The following ZNF804B variants were observed in gnomAD, a reference collection of about 807,000 sequenced individuals.
The protein encoded by ZNF804B is zinc finger 804B.
ZNF804B carries 80 observed loss-of-function variants against 101.4 expected under a neutral mutation model. The observed-to-expected ratio is 0.79, with a 90% confidence interval of 0.66 to 0.95. The LOEUF is 0.95. Among genes scored for constraint, ZNF804B ranks in the 40% least tolerant of loss-of-function variants. The probability of loss-of-function intolerance (pLI) is 0.00; values close to 1 mark genes in which losing one functional copy is unlikely to be tolerated. For missense variants in ZNF804B, 1,673 were observed against 1,561.9 expected (o/e 1.07, Z -1.20); for synonymous variants, 622 against 558.8 (o/e 1.11, Z -1.59).
chr7:88,854,911 A>G (rs1256014270), intron 1 of ZNF804B, among the ~76,000 whole-genome samples: 4 of 151,498 alleles, frequency 2.6e-5, no homozygotes, highest in Non-Finnish European at 2.9e-5. Flanking sequence ...AGCTTCATCC[A>G]TGTCCCTACA....
intron 2 of ZNF804B, among the ~76,000 whole-genome samples, chr7:89,269,090 T>C (rs1789843600): frequency 2.0e-5 from 3 of 152,180 alleles, no homozygotes; most frequent in African/African-American, 7.2e-5. Context: ...ATACTTTAAG[T>C]TCTAGGGTAC....
chr7:88,968,451 C>G (rs1483913656), intron 1 of ZNF804B, among the ~76,000 whole-genome samples: 1 of 151,520 alleles, frequency 6.6e-6, no homozygotes, highest in African/African-American at 2.4e-5. Flanking sequence ...ACACTTTGCT[C>G]TCTTACTATC....
intron 1 of ZNF804B, among the ~76,000 whole-genome samples, chr7:89,151,207 T>C (rs1197747914): frequency 6.6e-6 from 1 of 152,066 alleles, no homozygotes; most frequent in Non-Finnish European, 1.5e-5. Context: ...TACAATTGAC[T>C]CCTCTTCTAG....
intron 2 of ZNF804B, among the ~76,000 whole-genome samples, chr7:89,266,365 A>T (rs531633702): frequency 2.4e-4 from 36 of 152,244 alleles, no homozygotes; most frequent in African/African-American, 8.4e-4. Flanking sequence ...GTACTGCCTG[A>T]TATTAATATA....
intron 1 of ZNF804B, among the ~76,000 whole-genome samples, chr7:88,883,332 G>A (rs1028355038): frequency 6.6e-6 from 1 of 152,018 alleles, no homozygotes; most frequent in African/African-American, 2.4e-5. Flanking sequence ...TGTCTTCCAC[G>A]TGTTTAAAAT....
intron 1 of ZNF804B, among the ~76,000 whole-genome samples, chr7:88,834,841 AAAAAT>A (rs950750885): frequency 4.4e-4 from 67 of 151,918 alleles, no homozygotes; most frequent in African/African-American, 1.3e-3. Context: ...GGGAAAAAAT[AAAAAT>A]AATACATTCT....
chr7:88,786,040 T>C (rs1790297001), intron 1 of ZNF804B, among the ~76,000 whole-genome samples: 1 of 152,136 alleles, frequency 6.6e-6, no homozygotes, highest in Non-Finnish European at 1.5e-5. Context: ...GTAGAAATTA[T>C]GCTTATTTTG....
chr7:89,326,033 C>G (rs1166928807), intron 2 of ZNF804B, among the ~76,000 whole-genome samples: 1 of 151,980 alleles, frequency 6.6e-6, no homozygotes, highest in East Asian at 1.9e-4. Flanking sequence ...CAAGGCTATC[C>G]ACGCTTTAAT....
At chr7:89,249,519 G>T (rs1789508045) in intron 2 of ZNF804B, among the ~76,000 whole-genome samples, 2 of 152,068 alleles carry the variant, frequency 1.3e-5, no homozygotes, top group South Asian at 4.1e-4. Context: ...TAAACACCTT[G>T]CTACTCAATG....
chr7:89,323,757 G>A (rs38966), intron 2 of ZNF804B, among the ~76,000 whole-genome samples: 43,753 of 151,892 alleles, frequency 0.29, 7,610 homozygotes, highest in East Asian at 0.69. Context: ...TCCCATTATT[G>A]TGTGTAAATG....
chr7:89,130,323 G>A (rs575653158), intron 1 of ZNF804B, among the ~76,000 whole-genome samples: 1 of 151,932 alleles, frequency 6.6e-6, no homozygotes, highest in East Asian at 1.9e-4. Context: ...CCCAGGAAAG[G>A]AGTAGGAAGC....
intron 1 of ZNF804B, among the ~76,000 whole-genome samples, chr7:88,837,013 A>C (rs1168446329): frequency 2.6e-5 from 4 of 151,984 alleles, no homozygotes; most frequent in Non-Finnish European, 5.9e-5. Flanking sequence ...GCCAGAAAGG[A>C]CATATATGTT....
intron 1 of ZNF804B, among the ~76,000 whole-genome samples, chr7:89,039,512 G>C (rs2116245946): frequency 6.6e-6 from 1 of 151,604 alleles, no homozygotes; most frequent in South Asian, 2.1e-4. Context: ...ACTATTACAT[G>C]CTACTAATTC....
At chr7:89,314,924 C>A (rs1359791932) in intron 2 of ZNF804B, among the ~76,000 whole-genome samples, 2 of 152,176 alleles carry the variant, frequency 1.3e-5, no homozygotes, top group African/African-American at 4.8e-5. Context: ...ACCTGTTCAC[C>A]AAGTTCCTAC....
At chr7:89,198,026 G>A (rs73395297) in intron 1 of ZNF804B, among the ~76,000 whole-genome samples, 2,039 of 151,860 alleles carry the variant, frequency 0.013, 40 homozygotes, top group African/African-American at 0.046. Flanking sequence ...GAATGTCCAA[G>A]TTTTCATGAA....
chr7:89,331,239 C>A (rs2115991694), intron 3 of ZNF804B, among the ~76,000 whole-genome samples: 1 of 151,726 alleles, frequency 6.6e-6, no homozygotes, highest in East Asian at 1.9e-4. Flanking sequence ...CTCTTTGGTA[C>A]CAAGGCAAAG....
chr7:89,213,774 A>G (rs1788840212), intron 1 of ZNF804B, among the ~76,000 whole-genome samples: 1 of 151,580 alleles, frequency 6.6e-6, no homozygotes, highest in Non-Finnish European at 1.5e-5. Flanking sequence ...CAGTGAATGA[A>G]TTTCTAAACA....
intron 1 of ZNF804B, among the ~76,000 whole-genome samples, chr7:89,039,885 T>C (rs1788989569): frequency 6.6e-6 from 1 of 152,054 alleles, no homozygotes; most frequent in East Asian, 1.9e-4. Flanking sequence ...ATAAGTTGCT[T>C]TTCTCATGCT....
chr7:89,095,890 G>A (rs1040123499), intron 1 of ZNF804B, among the ~76,000 whole-genome samples: 2 of 152,176 alleles, frequency 1.3e-5, no homozygotes, highest in African/African-American at 2.4e-5. Context: ...ATCAACTCAC[G>A]CCTGTAATCC....
Sources: gnomAD v4.1 joint callset for allele counts (sites outside exome capture counted in the v4.1 genomes callset) on GRCh38, gnomAD v4.1.1 for gene constraint, MANE v1.5 for transcripts, NCBI Gene and HGNC (gene_info 2026-07-23, HGNC 2026-07-21) for gene names.